Variants in DPYD observed in about 807,000 individuals in gnomAD.
DPYD encodes dihydropyrimidine dehydrogenase.
DPYD carries 109 observed loss-of-function variants against 116.2 expected under a neutral mutation model. The ratio of observed to expected loss-of-function variants is 0.94; its 90% confidence interval spans 0.80 to 1.10. DPYD has a LOEUF of 1.10. Ranked by LOEUF, DPYD falls within the 50% of genes least tolerant of loss-of-function variation. The pLI, the probability that DPYD is intolerant of heterozygous loss-of-function variation, is 0.00. For synonymous variants in DPYD, 440 were observed against 432.0 expected (o/e 1.02, Z -0.23); for missense variants, 1,302 against 1,254.5 (o/e 1.04, Z -0.57).
At chr1:97,683,429 T>C (rs115034759) in intron 7 of DPYD, among the ~76,000 whole-genome samples, 2,011 of 151,900 alleles carry the variant, frequency 0.013, 21 homozygotes, top group Non-Finnish European at 0.021. Flanking sequence ...CATCTAAAAC[T>C]ACGAAGCAGA....
At chr1:97,544,339 A>G (rs1650668519) in intron 12 of DPYD, among the ~76,000 whole-genome samples, 1 of 152,198 alleles carries the variant, frequency 6.6e-6, no homozygotes, top group Non-Finnish European at 1.5e-5. Context: ...TTTACTTGAC[A>G]GAGATTTTTA....
chr1:97,459,905 T>C (rs904292669), intron 13 of DPYD, among the ~76,000 whole-genome samples: 6 of 152,090 alleles, frequency 3.9e-5, no homozygotes, highest in African/African-American at 1.4e-4. Context: ...TAGAAATACA[T>C]TATGTGAAAA....
chr1:97,490,991 A>G (rs1299642518), intron 13 of DPYD, among the ~76,000 whole-genome samples: 2 of 150,732 alleles, frequency 1.3e-5, no homozygotes, highest in East Asian at 1.9e-4. Context: ...CATTGCATAT[A>G]AAATTCTGCA....
chr1:97,173,789 G>C (rs1025688633), intron 20 of DPYD, among the ~76,000 whole-genome samples: 5 of 147,902 alleles, frequency 3.4e-5, no homozygotes, highest in East Asian at 2.0e-4. Context: ...GTTCAGAAAA[G>C]ATGTGCGATA....
intron 10 of DPYD, among the ~76,000 whole-genome samples, chr1:97,576,255 G>T (rs1653254755): frequency 6.6e-6 from 1 of 152,072 alleles, no homozygotes; most frequent in African/African-American, 2.4e-5. Flanking sequence ...TAATGATAAT[G>T]CCACACTTGA....
At chr1:97,411,519 A>G (rs750319745) in intron 14 of DPYD, among the ~76,000 whole-genome samples, 1 of 152,058 alleles carries the variant, frequency 6.6e-6, no homozygotes, top group Non-Finnish European at 1.5e-5. Context: ...AAACAACAAT[A>G]GAAAAAAAAA....
Position 97,584,524 on chromosome 1 carries a change from C to T in DPYD, c.1128+8694G>A, listed in dbSNP as rs528943503. On this transcript the variant is annotated intron_variant, in intron 10 of 22. Coordinates refer to ENST00000370192, the MANE Select transcript of DPYD (RefSeq NM_000110.4). ...GAATGGTATTGCCTAGGTCTTCTTCCAGGGTTTTTATGGTTTTAGGTCTAA... is the reference window on the plus strand; with the variant it reads ...GAATGGTATTGCCTAGGTCTTCTTCTAGGGTTTTTATGGTTTTAGGTCTAA... Among the ~76,000 whole-genome samples, 279 of 152,000 alleles carry T rather than the reference C, an allele frequency of 1.8e-3. 1 individual carries two copies. Among genetic ancestry groups the T allele is most frequent in the Non-Finnish European group, 3.4e-3 (229 of 67,978 alleles).
intron 3 of DPYD, among the ~76,000 whole-genome samples, chr1:97,818,636 G>C (rs1005250603): frequency 2.0e-5 from 3 of 151,780 alleles, no homozygotes; most frequent in Non-Finnish European, 4.4e-5. Context: ...ATTATATTTG[G>C]GCCATTTGAG....
At chr1:97,452,614 A>G (rs758128872) in intron 13 of DPYD, among the ~76,000 whole-genome samples, 2 of 152,104 alleles carry the variant, frequency 1.3e-5, no homozygotes, top group Non-Finnish European at 2.9e-5. Context: ...GAAATGATTG[A>G]TTGCATCATG....
At chr1:97,757,975 A>C (rs988037210) in intron 3 of DPYD, among the ~76,000 whole-genome samples, 2 of 152,166 alleles carry the variant, frequency 1.3e-5, no homozygotes, top group Non-Finnish European at 2.9e-5. Flanking sequence ...TTCTCATAAT[A>C]CGCACTGCCT....
At chr1:97,359,289 C>G (rs144644749) in intron 16 of DPYD, among the ~76,000 whole-genome samples, 8,312 of 152,124 alleles carry the variant, frequency 0.055, 322 homozygotes, top group East Asian at 0.17. Context: ...AACAAAGCCT[C>G]CAAGAAATAT....
chr1:97,400,768 T>G (rs1456395903), intron 14 of DPYD, among the ~76,000 whole-genome samples: 2 of 152,178 alleles, frequency 1.3e-5, no homozygotes, highest in African/African-American at 4.8e-5. Flanking sequence ...TGATGGTAGT[T>G]TGTATTTCTG....
chr1:97,173,081 G>A (rs919485329), intron 20 of DPYD, among the ~76,000 whole-genome samples: 7 of 151,600 alleles, frequency 4.6e-5, no homozygotes, highest in Admixed American at 1.3e-4. Context: ...GTTTGCGTCC[G>A]GCTTCCACTA....
At chr1:97,195,267 G>A (rs1310536591) in intron 19 of DPYD, among the ~76,000 whole-genome samples, 1 of 151,936 alleles carries the variant, frequency 6.6e-6, no homozygotes, top group Non-Finnish European at 1.5e-5. Flanking sequence ...GTATATCAGG[G>A]TGTCTGGCAA....
chr1:97,344,766 G>A (rs1669760035), intron 16 of DPYD, among the ~76,000 whole-genome samples: 1 of 151,830 alleles, frequency 6.6e-6, no homozygotes, highest in Non-Finnish European at 1.5e-5. Context: ...GTCTCCAGTT[G>A]TGTTATTAAA....
chr1:97,781,796 A>C (rs1666762991), intron 3 of DPYD, among the ~76,000 whole-genome samples: 1 of 152,168 alleles, frequency 6.6e-6, no homozygotes, highest in Non-Finnish European at 1.5e-5. Context: ...TTTTTTCTAT[A>C]CCAATAATGC....
intron 14 of DPYD, among the ~76,000 whole-genome samples, chr1:97,432,856 G>A (rs1302658992): frequency 2.6e-5 from 4 of 152,118 alleles, no homozygotes; most frequent in Admixed American, 1.3e-4. Flanking sequence ...CTTCAAATGT[G>A]TCGAGAGCAG....
At chr1:97,098,359 T>C in intron 21 of DPYD, 130 bp downstream of exon 21, 1 of 1,114,076 alleles carries the variant, frequency 9.0e-7, no homozygotes, top group Non-Finnish European at 1.3e-6. Flanking sequence ...TGGACAGATG[T>C]TTTTAAAACT....
chr1:97,770,890 T>TG (rs1666104775), intron 3 of DPYD, among the ~76,000 whole-genome samples: 1 of 152,206 alleles, frequency 6.6e-6, no homozygotes, highest in African/African-American at 2.4e-5. Flanking sequence ...CAGACAATAA[T>TG]ATCATAAGTA....
Sources: gnomAD v4.1 joint callset for allele counts (sites outside exome capture counted in the v4.1 genomes callset) on GRCh38, gnomAD v4.1.1 for gene constraint, MANE v1.5 for transcripts, NCBI Gene and HGNC (gene_info 2026-07-23, HGNC 2026-07-21) for gene names.